The following CHRDL1 variants were observed in gnomAD, a reference collection of about 807,000 sequenced individuals.
CHRDL1 encodes chordin-like protein 1.
Under a neutral mutation model 40.9 loss-of-function variants are expected in CHRDL1, and 19 were observed. That is an observed-to-expected ratio of 0.46 (90% confidence interval 0.32 to 0.68). CHRDL1 has a LOEUF of 0.68. Ranked by LOEUF, CHRDL1 falls within the 30% of genes least tolerant of loss-of-function variation. The pLI is 0.03. For missense variants in CHRDL1, 329 were observed against 352.1 expected, an observed-to-expected ratio of 0.93 and a Z score of 0.53; for synonymous variants, 136 against 123.4, an observed-to-expected ratio of 1.10 and a Z score of -0.68.
intron 4 of CHRDL1, among the ~76,000 whole-genome samples, chrX:110,728,473 C>A (rs1015594688): frequency 2.7e-5 from 3 of 111,311 alleles, no homozygotes; most frequent in Admixed American, 9.6e-5. Context: ...CAAAGCTGGT[C>A]ATCAGAAGCC....
At chrX:110,697,284 T>C (rs2070405896) in intron 7 of CHRDL1, among the ~76,000 whole-genome samples, 1 of 109,955 alleles carries the variant, frequency 9.1e-6, no homozygotes, top group Admixed American at 9.7e-5. Flanking sequence ...AAGTCTAAAA[T>C]ATAAGAGTTT....
chrX:110,707,907 C>T (rs1395458612), intron 6 of CHRDL1, among the ~76,000 whole-genome samples: 1 of 111,409 alleles, frequency 9.0e-6, no homozygotes, highest in African/African-American at 3.3e-5. Context: ...TGACAAAGAG[C>T]TAATATCCAG....
chrX:110,777,797 G>T (rs1348084180), intron 2 of CHRDL1, among the ~76,000 whole-genome samples: 2 of 111,349 alleles, frequency 1.8e-5, no homozygotes, highest in East Asian at 5.6e-4. Flanking sequence ...TTCCCAGTCT[G>T]TGGCTTTTTA....
intron 6 of CHRDL1, among the ~76,000 whole-genome samples, chrX:110,712,244 CTA>C (rs2070759113): frequency 8.9e-6 from 1 of 111,956 alleles, no homozygotes; most frequent in Admixed American, 9.5e-5. Context: ...TTGGGCAAAA[CTA>C]TTAGAAGAGG....
intron 2 of CHRDL1, among the ~76,000 whole-genome samples, chrX:110,774,975 C>G (rs1383000683): frequency 9.0e-6 from 1 of 111,711 alleles, no homozygotes; most frequent in Non-Finnish European, 1.9e-5. Context: ...TAGTTATCAA[C>G]CATAATATGG....
At chrX:110,787,509 C>T (rs1288262660) in intron 2 of CHRDL1, among the ~76,000 whole-genome samples, 6 of 112,606 alleles carry the variant, frequency 5.3e-5, no homozygotes, top group African/African-American at 1.3e-4. Context: ...AACAGGTCCA[C>T]GCATTTGCTT....
chrX:110,729,503 A>C (rs2071120267), intron 4 of CHRDL1, among the ~76,000 whole-genome samples: 1 of 111,684 alleles, frequency 9.0e-6, no homozygotes, highest in Non-Finnish European at 1.9e-5. Context: ...GGCAGGCCTT[A>C]ATACTAATCC....
At chrX:110,695,845 AC>A (rs1254003640) in intron 7 of CHRDL1, among the ~76,000 whole-genome samples, 1 of 111,964 alleles carries the variant, frequency 8.9e-6, no homozygotes. Flanking sequence ...AAGTAAGAGG[AC>A]CTTTTTTAGC....
At chrX:110,745,617 T>C (rs1412570461) in intron 4 of CHRDL1, among the ~76,000 whole-genome samples, 1 of 111,355 alleles carries the variant, frequency 9.0e-6, no homozygotes, top group Non-Finnish European at 1.9e-5. Flanking sequence ...TCTTGGAGAG[T>C]GCCTATCTTC....
intron 4 of CHRDL1, among the ~76,000 whole-genome samples, chrX:110,724,434 C>A (rs1285872896): frequency 1.8e-5 from 2 of 109,478 alleles, no homozygotes; most frequent in African/African-American, 6.7e-5. Flanking sequence ...ACAGTAGAAT[C>A]AAAGAAAAAG....
chrX:110,738,690 C>T (rs979260449), intron 4 of CHRDL1, among the ~76,000 whole-genome samples: 6 of 104,682 alleles, frequency 5.7e-5, no homozygotes, highest in Non-Finnish European at 7.8e-5. Flanking sequence ...TGTAGTGAGC[C>T]GACACTGCGC....
chrX:110,742,748 G>C (rs2071383413), intron 4 of CHRDL1, among the ~76,000 whole-genome samples: 1 of 111,959 alleles, frequency 8.9e-6, no homozygotes, highest in South Asian at 3.8e-4. Context: ...CTCAGGTAAT[G>C]TTACTAATGA....
intron 8 of CHRDL1, among the ~76,000 whole-genome samples, chrX:110,689,085 T>C (rs748832078): frequency 0.52 from 43,956 of 84,929 alleles, 9,522 homozygotes; most frequent in African/African-American, 0.77. Context: ...TATATATATA[T>C]ATATATATAT....
chrX:110,758,138 A>AC (rs2089490290), intron 4 of CHRDL1, among the ~76,000 whole-genome samples: 1 of 110,039 alleles, frequency 9.1e-6, no homozygotes, highest in African/African-American at 3.3e-5. Flanking sequence ...AACAAAAAAA[A>AC]AAAAAACAAA....
intron 6 of CHRDL1, among the ~76,000 whole-genome samples, chrX:110,718,237 C>T (rs1392422959): frequency 8.9e-6 from 1 of 112,002 alleles, no homozygotes; most frequent in African/African-American, 3.2e-5. Context: ...ACTGTGTTCT[C>T]AGTCCAAGCA....
intron 2 of CHRDL1, among the ~76,000 whole-genome samples, chrX:110,768,415 A>G (rs1041902810): frequency 9.0e-6 from 1 of 111,253 alleles, no homozygotes; most frequent in African/African-American, 3.3e-5. Flanking sequence ...TTCTGGGTGT[A>G]TCCTATCTGG....
chrX:110,681,918 C>T lies in CHRDL1; in HGVS notation c.989-269G>A, dbSNP rs891388299. On this transcript the variant is annotated intron_variant, in intron 9 of 11. Coordinates refer to ENST00000372042, the MANE Select transcript of CHRDL1 (RefSeq NM_001143981.2). ...TGTGTTGACAGAATCCATAGTTCTT[C>T]GGAACACTAGACCCCTACTACTGTC... is the stretch of plus-strand genomic sequence containing the variant. Among the ~76,000 whole-genome samples the T allele has an allele frequency of 6.3e-5, 7 of 111,956 alleles. No individual in the cohort carries two copies. The East Asian group carries it at 1.4e-3, about 23-fold the overall frequency.
chrX:110,686,900 A>AAC (rs2070033721), intron 9 of CHRDL1, among the ~76,000 whole-genome samples: 1 of 105,311 alleles, frequency 9.5e-6, no homozygotes, highest in Non-Finnish European at 2.0e-5. Context: ...ACAAAAAATA[A>AAC]AAAAAAAAAT....
At chrX:110,705,070 C>T (rs954990169) in intron 6 of CHRDL1, among the ~76,000 whole-genome samples, 1 of 108,788 alleles carries the variant, frequency 9.2e-6, no homozygotes, top group South Asian at 4.0e-4. Context: ...GTCAGAATCT[C>T]AAAGCATTAT....
Sources: allele counts gnomAD v4.1 joint callset (sites outside exome capture counted in the v4.1 genomes callset), GRCh38; gene constraint gnomAD v4.1.1; transcripts MANE v1.5; gene names NCBI Gene and HGNC (gene_info 2026-07-23, HGNC 2026-07-21).